Variants in CTNNA2 observed in about 807,000 individuals in gnomAD.
CTNNA2 encodes catenin alpha-2.
In CTNNA2, 42 loss-of-function variants were observed where a neutral mutation model predicts 101.0. The observed-to-expected ratio is 0.42, with a 90% confidence interval of 0.32 to 0.54. The LOEUF (loss-of-function observed/expected upper bound fraction) is 0.54. Ranked by LOEUF, CTNNA2 falls within the 20% of genes least tolerant of loss-of-function variation. The pLI is 0.14. For synonymous variants in CTNNA2, 450 were observed against 456.4 expected, an observed-to-expected ratio of 0.99 and a Z score of 0.18; for missense variants, 871 against 1,223.1, an observed-to-expected ratio of 0.71 and a Z score of 4.29.
chr2:80,052,924 A>G (rs994260723), intron 7 of CTNNA2, among the ~76,000 whole-genome samples: 2 of 152,186 alleles, frequency 1.3e-5, no homozygotes, highest in African/African-American at 2.4e-5. Context: ...ATAGAGCTGA[A>G]CTAAATAATG....
At chr2:80,112,447 T>C (rs905893572) in intron 7 of CTNNA2, among the ~76,000 whole-genome samples, 14 of 152,226 alleles carry the variant, frequency 9.2e-5, no homozygotes, top group Admixed American at 2.6e-4. Flanking sequence ...GTGATGGGGA[T>C]ATAATTTGTC....
chr2:79,694,105 G>A (rs1684498648), intron 2 of CTNNA2, among the ~76,000 whole-genome samples: 1 of 151,908 alleles, frequency 6.6e-6, no homozygotes, highest in African/African-American at 2.4e-5. Flanking sequence ...TTCTCACTTA[G>A]ACAACCTCAC....
intron 7 of CTNNA2, among the ~76,000 whole-genome samples, chr2:80,367,402 G>A (rs1299666087): frequency 6.6e-6 from 1 of 151,954 alleles, no homozygotes; most frequent in Non-Finnish European, 1.5e-5. Flanking sequence ...GAAGCTTTAG[G>A]GTTTGGGGTT....
chr2:79,291,377 A>T (rs1675808467), intron 2 of CTNNA2, among the ~76,000 whole-genome samples: 1 of 152,230 alleles, frequency 6.6e-6, no homozygotes, highest in Non-Finnish European at 1.5e-5. Context: ...TGATATATCC[A>T]GGAATTCTTC....
intron 4 of CTNNA2, among the ~76,000 whole-genome samples, chr2:79,461,388 G>T (rs1316093460): frequency 1.3e-5 from 2 of 152,164 alleles, no homozygotes; most frequent in East Asian, 3.8e-4. Context: ...CCCTGGCAGT[G>T]TGCGAGTGCT....
chr2:80,327,701 T>G (rs1670936371), intron 7 of CTNNA2, among the ~76,000 whole-genome samples: 1 of 152,298 alleles, frequency 6.6e-6, no homozygotes, highest in Middle Eastern at 3.4e-3. Flanking sequence ...ACAGGGGAGC[T>G]TACTTCAAAC....
chr2:80,640,124 G>A (rs1673312020), intron 18 of CTNNA2, among the ~76,000 whole-genome samples: 1 of 151,890 alleles, frequency 6.6e-6, no homozygotes, highest in African/African-American at 2.4e-5. Flanking sequence ...AAACAAAAAA[G>A]TCAGTATCAG....
At chr2:79,371,852 G>C (rs911224493) in intron 3 of CTNNA2, among the ~76,000 whole-genome samples, 1 of 152,116 alleles carries the variant, frequency 6.6e-6, no homozygotes, top group Non-Finnish European at 1.5e-5. Context: ...CAGGACTCCT[G>C]GTGATCCTGG....
intron 7 of CTNNA2, among the ~76,000 whole-genome samples, chr2:80,036,314 A>G (rs1186510773): frequency 1.3e-5 from 2 of 152,154 alleles, no homozygotes; most frequent in Non-Finnish European, 2.9e-5. Flanking sequence ...AGACACTCAG[A>G]CAGGTGCAGT....
At chr2:80,474,063 G>A (rs1193363048) in intron 9 of CTNNA2, among the ~76,000 whole-genome samples, 2 of 152,292 alleles carry the variant, frequency 1.3e-5, no homozygotes, top group East Asian at 3.9e-4. Flanking sequence ...ATTCACTCTT[G>A]CTTCCTGACG....
intron 7 of CTNNA2, among the ~76,000 whole-genome samples, chr2:79,977,256 A>ACACACG (rs1690931919): frequency 2.0e-5 from 3 of 151,164 alleles, no homozygotes; most frequent in Non-Finnish European, 4.4e-5. Context: ...ACACACACAC[A>ACACACG]CTGGTTCTCA....
intron 7 of CTNNA2, among the ~76,000 whole-genome samples, chr2:80,116,902 A>AGTGTGTGTGTGTGTGTGTGTGTGT (rs112383959): frequency 1.9e-3 from 275 of 143,610 alleles, no homozygotes; most frequent in Non-Finnish European, 2.5e-3. Flanking sequence ...AGAAGAAAAT[A>AGTGTGTGTGTGTGTGTGTGTGTGT]GTGTGTGTGT....
At chr2:80,632,896 C>A (rs926849088) in intron 18 of CTNNA2, among the ~76,000 whole-genome samples, 1 of 152,158 alleles carries the variant, frequency 6.6e-6, no homozygotes, top group South Asian at 2.1e-4. Flanking sequence ...TTGTTATTAA[C>A]CCCCTTTTAC....
At chr2:79,980,678 G>A (rs957886785) in intron 7 of CTNNA2, among the ~76,000 whole-genome samples, 2 of 152,086 alleles carry the variant, frequency 1.3e-5, no homozygotes, top group Admixed American at 1.3e-4. Flanking sequence ...GGGCTATAGT[G>A]TGAATTTGTC....
intron 4 of CTNNA2, among the ~76,000 whole-genome samples, chr2:79,409,780 C>T (rs113008397): frequency 9.1e-4 from 131 of 144,344 alleles, no homozygotes; most frequent in Non-Finnish European, 1.7e-3. Context: ...CTTGGTGATG[C>T]GGGCTCTTTT....
upstream of CTNNA2, among the ~76,000 whole-genome samples, chr2:79,510,465 G>A (rs1671511862): frequency 6.6e-6 from 1 of 152,216 alleles, no homozygotes; most frequent in African/African-American, 2.4e-5. Context: ...TTATCAGAGG[G>A]AAATAAATAT....
chr2:79,650,122 T>G (rs1207223865), intron 1 of CTNNA2, among the ~76,000 whole-genome samples: 7 of 140,856 alleles, frequency 5.0e-5, no homozygotes, highest in Non-Finnish European at 9.1e-5. Flanking sequence ...AGAATGTATT[T>G]AGCAATTTCT....
chr2:80,237,814 G>A (rs1311907679), intron 7 of CTNNA2, among the ~76,000 whole-genome samples: 1 of 152,180 alleles, frequency 6.6e-6, no homozygotes, highest in Non-Finnish European at 1.5e-5. Flanking sequence ...TTTGCTTTAT[G>A]AAGACTCTAT....
At chr2:79,724,443 C>T (rs1204486160) in intron 2 of CTNNA2, among the ~76,000 whole-genome samples, 8 of 151,932 alleles carry the variant, frequency 5.3e-5, no homozygotes, top group Non-Finnish European at 1.5e-5. Context: ...GGATGGTCTG[C>T]TGTTCTCAGA....
Sources: gnomAD v4.1 joint callset for allele counts (sites outside exome capture counted in the v4.1 genomes callset) on GRCh38, gnomAD v4.1.1 for gene constraint, MANE v1.5 for transcripts, NCBI Gene and HGNC (gene_info 2026-07-23, HGNC 2026-07-21) for gene names.